Variants in RAB28 observed in about 807,000 individuals in gnomAD.
RAB28 encodes the protein ras-related protein Rab-28.
Under a neutral mutation model 31.7 loss-of-function variants are expected in RAB28, and 24 were observed. The ratio of observed to expected loss-of-function variants is 0.76; its 90% CI spans 0.55 to 1.06. The LOEUF (loss-of-function observed/expected upper bound fraction) is 1.06. Among genes scored for constraint, RAB28 ranks in the 50% least tolerant of loss-of-function variants. RAB28 has a pLI of 0.00. For synonymous variants in RAB28, 100 were observed against 90.4 expected, an observed-to-expected ratio of 1.11 and a Z score of -0.60; for missense variants, 254 against 258.5, an observed-to-expected ratio of 0.98 and a Z score of 0.12.
intron 4 of RAB28, among the ~76,000 whole-genome samples, chr4:13,428,423 C>T (rs964840013): frequency 6.6e-6 from 1 of 152,150 alleles, no homozygotes; most frequent in Non-Finnish European, 1.5e-5. Flanking sequence ...AAGGGTATTA[C>T]ACATGTAAAG....
chr4:13,475,714 A>G (rs1046305855), intron 2 of RAB28, among the ~76,000 whole-genome samples: 3 of 151,590 alleles, frequency 2.0e-5, no homozygotes, highest in African/African-American at 7.2e-5. Flanking sequence ...CACACTTTCA[A>G]CACTTAGACT....
chr4:13,442,087 T>A (rs1376604822), intron 4 of RAB28, among the ~76,000 whole-genome samples: 7 of 152,194 alleles, frequency 4.6e-5, no homozygotes, highest in Admixed American at 4.6e-4. Flanking sequence ...AACAGGGTAA[T>A]CTCAAATAGT....
At chr4:13,436,826 T>G (rs1379374437) in intron 4 of RAB28, among the ~76,000 whole-genome samples, 1 of 152,080 alleles carries the variant, frequency 6.6e-6, no homozygotes, top group Non-Finnish European at 1.5e-5. Flanking sequence ...CCTATCAAAT[T>G]ACCAATGCCA....
chr4:13,397,825 G>C lies in RAB28; in HGVS notation c.392-16231C>G, dbSNP rs530096324. On this transcript the variant is annotated intron_variant, in intron 4 of 6. Transcript: ENST00000330852. Reference sequence around the variant, plus strand: ...CTAGCAATTCTCCAGCACTTCTACAGATTTTGCATATTGCTGCAAGGTTTT... The same window carrying C: ...CTAGCAATTCTCCAGCACTTCTACACATTTTGCATATTGCTGCAAGGTTTT... Among the ~76,000 whole-genome samples the C allele has an allele frequency of 1.4e-4, 22 of 152,116 alleles. No individual in the cohort carries two copies. In the South Asian group the frequency reaches 4.6e-3, roughly 32 times the overall value.
intron 4 of RAB28, among the ~76,000 whole-genome samples, chr4:13,417,532 G>T (rs912007872): frequency 1.3e-5 from 2 of 152,188 alleles, no homozygotes; most frequent in Non-Finnish European, 2.9e-5. Context: ...CTTCTGGGAC[G>T]AAGCTTACAG....
chr4:13,429,254 C>A (rs1713677555), intron 4 of RAB28, among the ~76,000 whole-genome samples: 2 of 152,106 alleles, frequency 1.3e-5, no homozygotes, highest in African/African-American at 4.8e-5. Flanking sequence ...GCCAATTTCA[C>A]TCTTTATTCA....
chr4:13,384,610 T>G lies in RAB28; in HGVS notation c.392-3016A>C, dbSNP rs964466068. On this transcript the variant is annotated intron_variant, in intron 4 of 6. Coordinates refer to ENST00000330852, the MANE Select transcript of RAB28 (RefSeq NM_001017979.3). ...AGTCCAGGAGCTGGGAGCTGAGGCT[T>G]GGCCCCCTAAAATCTTCCAGAAATG... 2.0e-5 allele frequency among the ~76,000 whole-genome samples: 3 copies of G among 152,178 alleles called. 1 individual carries two copies. The highest frequency in any genetic ancestry group is 2.0e-4 in the Admixed American group (3 of 15,276).
At chr4:13,444,652 C>T (rs1714605181) in intron 4 of RAB28, among the ~76,000 whole-genome samples, 1 of 152,194 alleles carries the variant, frequency 6.6e-6, no homozygotes, top group African/African-American at 2.4e-5. Context: ...TCTTCACATT[C>T]TTGCCAATAC....
intron 3 of RAB28, among the ~76,000 whole-genome samples, chr4:13,467,783 A>G (rs1291875752): frequency 6.6e-6 from 1 of 152,040 alleles, no homozygotes; most frequent in Non-Finnish European, 1.5e-5. Flanking sequence ...ACCCAGCTAT[A>G]TCAATAAACA....
At position 13,370,655 on chromosome 4, in the gene RAB28, T is replaced by TTTA. The variant is rs1728681424; in HGVS notation, c.574-2008_574-2006dup. On this transcript the variant is annotated intron_variant, in intron 6 of 6. Coordinates refer to ENST00000330852, the MANE Select transcript of RAB28 (RefSeq NM_001017979.3). ...TTTACAATTTTTATATTTAATACTA[T>TTTA]TTATTACTTGTCCAAGACTTCCTTA... 6 of 984,842 alleles carry TTTA rather than the reference T, an allele frequency of 6.1e-6. No homozygotes were observed. In the South Asian group the frequency reaches 2.3e-4, roughly 39 times the overall value. 61.0% of individuals were successfully genotyped at this position (984,842 alleles called of 1,614,324 possible).
rs938288770 is a variant in RAB28, at chr4:13,434,801, T to A, written c.391+25898A>T. On this transcript the variant is annotated intron_variant, in intron 4 of 6. Coordinates refer to ENST00000330852, the MANE Select transcript of RAB28 (RefSeq NM_001017979.3). ...TGCGAGGCCAAGCTGGGCAGATCAT[T>A]TGAGGTCAGAAGTTTGAGACCAGCC... Among the ~76,000 whole-genome samples the A allele has an allele frequency of 2.0e-5, 3 of 151,890 alleles. No individual in the cohort carries two copies. In the East Asian group the frequency reaches 5.8e-4, roughly 29 times the overall value.
intron 6 of RAB28, chr4:13,370,926 T>A (rs1010365942): frequency 1.0e-6 from 1 of 968,468 alleles, no homozygotes; most frequent in Non-Finnish European, 1.2e-6. Context: ...ATGTGACAAA[T>A]ATGTATGACA....
At chr4:13,371,278 G>A (rs1728702472) in intron 6 of RAB28, 2 of 985,298 alleles carry the variant, frequency 2.0e-6, no homozygotes, top group South Asian at 4.7e-5. Context: ...ATTACCAACT[G>A]CCAAATGAGG....
At chr4:13,461,121 A>C (rs1715569749) in intron 3 of RAB28, among the ~76,000 whole-genome samples, 2 of 152,206 alleles carry the variant, frequency 1.3e-5, no homozygotes, top group South Asian at 4.1e-4. Flanking sequence ...GTTACAGTAA[A>C]TATAAGAAAA....
rs944461205 is a variant in RAB28 at position 13,474,389 on chromosome 4, G to C, written c.190C>G (p.Leu64Val). ...TGCCCTCCTATATCCCAAATTTGAA[G>C]GGTAACATTCAAGTTTCCTAGAATA... ...ITLPGNLNVTLQIWDIGGQTI... is the reference protein window; with the variant it reads ...ITLPGNLNVTVQIWDIGGQTI... Residue 64 changes from leucine (L) to valine (V), a missense_variant, in exon 3 of 7, where the codon CTT becomes GTT. Coordinates refer to ENST00000330852, the MANE Select transcript of RAB28 (RefSeq NM_001017979.3). The C allele has an allele frequency of 6.3e-7, 1 of 1,583,806 alleles. No homozygotes were observed. The highest frequency in any genetic ancestry group is 8.6e-7 in the Non-Finnish European group (1 of 1,160,866).
chr4:13,408,728 TTCA>T (rs1473874252), intron 4 of RAB28, among the ~76,000 whole-genome samples: 1 of 152,164 alleles, frequency 6.6e-6, no homozygotes, highest in African/African-American at 2.4e-5. Flanking sequence ...ATTTTTTTTC[TTCA>T]TAAGTTCCTG....
At chr4:13,434,990 G>A (rs1714012092) in intron 4 of RAB28, among the ~76,000 whole-genome samples, 2 of 136,844 alleles carry the variant, frequency 1.5e-5, no homozygotes, top group South Asian at 2.2e-4. Context: ...CTGTACTCCA[G>A]CCTTGGCACA....
chr4:13,383,939 C>T (rs1729247177), intron 4 of RAB28, among the ~76,000 whole-genome samples: 1 of 152,182 alleles, frequency 6.6e-6, no homozygotes, highest in Non-Finnish European at 1.5e-5. Flanking sequence ...CCCAGCCTGG[C>T]CATACTTGCT....
At chr4:13,427,563 C>G (rs952365127) in intron 4 of RAB28, among the ~76,000 whole-genome samples, 1 of 151,782 alleles carries the variant, frequency 6.6e-6, no homozygotes, top group South Asian at 2.1e-4. Flanking sequence ...GATTGTGCAG[C>G]GCAAATTACC....
Sources: gnomAD v4.1 joint callset for allele counts (sites outside exome capture counted in the v4.1 genomes callset) on GRCh38, gnomAD v4.1.1 for gene constraint, MANE v1.5 for transcripts, NCBI Gene and HGNC (gene_info 2026-07-23, HGNC 2026-07-21) for gene names.